TCF20: variants seen among roughly 807,000 people sequenced by gnomAD.
TCF20 encodes the protein SPRE-binding protein.
TCF20 carries 3 observed loss-of-function variants against 148.6 expected under a neutral mutation model. The ratio of observed to expected loss-of-function variants is 0.02; its 90% confidence interval spans 0.01 to 0.05. TCF20 has a LOEUF of 0.05. Ranked by LOEUF, TCF20 falls within the 10% of genes least tolerant of loss-of-function variation. The pLI is 1.00. For missense variants in TCF20, 2,350 were observed against 2,429.3 expected, an observed-to-expected ratio of 0.97 and a Z score of 0.69; for synonymous variants, 1,049 against 909.5, an observed-to-expected ratio of 1.15 and a Z score of -2.76.
In TCF20 at chr22:42,297,014, T is replaced by C. The variant is rs1462790642; in HGVS notation, c.-37+46465A>G. On this transcript the variant is annotated intron_variant, in intron 1 of 1. Transcript: ENST00000515426. This position sits in a 1 kb window ranked among gnomAD's most constrained non-coding sequence, Gnocchi z 4.3. ...GCTATAGTTAAACCCACTCTACAGA[T>C]GTGGCAACTGAGTTCAGAGAGGTGC... Among the ~76,000 whole-genome samples the C allele has an allele frequency of 6.6e-6, 1 of 152,200 alleles. No individual in the cohort carries two copies. Among genetic ancestry groups the C allele is most frequent in the African/African-American group, 2.4e-5 (1 of 41,438 alleles).
At chr22:42,180,719 C>T (rs1048590021) in intron 2 of TCF20, among the ~76,000 whole-genome samples, 8 of 152,248 alleles carry the variant, frequency 5.3e-5, no homozygotes, top group Non-Finnish European at 1.2e-4. Flanking sequence ...GCGCTCGCCA[C>T]GCTCAGACTG....
At chr22:42,186,140 T>C (rs1037271866) in intron 2 of TCF20, among the ~76,000 whole-genome samples, 7 of 152,364 alleles carry the variant, frequency 4.6e-5, no homozygotes, top group Middle Eastern at 3.4e-3. Flanking sequence ...GCTAATTGTG[T>C]GTACTTAAGA....
chr22:42,268,082 G>A (rs902095459), intron 1 of TCF20, among the ~76,000 whole-genome samples: 2 of 152,158 alleles, frequency 1.3e-5, no homozygotes, highest in African/African-American at 2.4e-5. Context: ...GGAGGTAGAG[G>A]CTGCAGTGAG....
chr22:42,308,828 G>A (rs4822107), intron 1 of TCF20, among the ~76,000 whole-genome samples: 91,596 of 152,018 alleles, frequency 0.6, 29,295 homozygotes, highest in African/African-American at 0.82. Flanking sequence ...GCTCCCTGTC[G>A]CTGGCCAGGT....
chr22:42,222,927 CAGACTGTTTGAGCTCAGG>C (rs1490844582), intron 1 of TCF20, among the ~76,000 whole-genome samples: 5 of 152,134 alleles, frequency 3.3e-5, no homozygotes. Flanking sequence ...CCGAGGCAGG[CAGACTGTTTGAGCTCAGG>C]AGACCAGCAT....
In TCF20 at chr22:42,243,292, C is replaced by CAAAAAAAAAAAAAAAAAA. The variant is rs3045578; in HGVS notation, c.-37+27029_-37+27046dup. On this transcript the variant is annotated intron_variant, in intron 1 of 5. Transcript: ENST00000677622. ...TGGCTGGCAGAGCAAGACACTGTCTCAAAAAAAAAAAAAAAAAAAAAAAAA... is the reference window on the plus strand; with the variant it reads ...TGGCTGGCAGAGCAAGACACTGTCTCAAAAAAAAAAAAAAAAAAAAAAAAAAAAAAAAAAAAAAAAAAA... Among the ~76,000 whole-genome samples, 20 of 39,502 alleles carry CAAAAAAAAAAAAAAAAAA rather than the reference C, an allele frequency of 5.1e-4. 3 individuals are homozygous for CAAAAAAAAAAAAAAAAAA. Among genetic ancestry groups the CAAAAAAAAAAAAAAAAAA allele is most frequent in the East Asian group, 1.5e-3 (1 of 678 alleles). 25.9% of individuals were successfully genotyped at this position (39,502 alleles called of 152,430 possible).
At chr22:42,319,571 G>A (rs1485968511) in intron 1 of TCF20, among the ~76,000 whole-genome samples, 1 of 152,202 alleles carries the variant, frequency 6.6e-6, no homozygotes, top group Non-Finnish European at 1.5e-5. Context: ...TGAGCCCACA[G>A]AATCAAATGA....
chr22:42,234,915 C>T (rs1002994854), intron 1 of TCF20, among the ~76,000 whole-genome samples: 1 of 151,888 alleles, frequency 6.6e-6, no homozygotes, highest in African/African-American at 2.4e-5. Context: ...GCAGGGCAGG[C>T]GGATCACGAG....
At chr22:42,191,415 A>C (rs1285217174) in intron 2 of TCF20, among the ~76,000 whole-genome samples, 1 of 152,042 alleles carries the variant, frequency 6.6e-6, no homozygotes, top group East Asian at 1.9e-4. Flanking sequence ...TTAGCCTCTA[A>C]AGTAGCTGGA....
chr22:42,248,101 A>G (rs139315193), intron 1 of TCF20, among the ~76,000 whole-genome samples: 14 of 152,304 alleles, frequency 9.2e-5, no homozygotes, highest in African/African-American at 3.1e-4. Context: ...TTTGTGAAGG[A>G]AACAGATACA....
At chr22:42,274,213 CAG>C (rs1281754800), upstream of TCF20, 2 of 152,736 alleles carry the variant, frequency 1.3e-5, no homozygotes, top group Admixed American at 6.5e-5. Context: ...CTCTGGCTAA[CAG>C]AGCGGGAAAC....
chr22:42,201,824 T>C (rs1421512933), intron 2 of TCF20, among the ~76,000 whole-genome samples: 1 of 152,080 alleles, frequency 6.6e-6, no homozygotes, highest in Non-Finnish European at 1.5e-5. Flanking sequence ...GCAGATTCTT[T>C]TCTTTCGCTT....
At chr22:42,245,386 C>T (rs1924820866) in intron 1 of TCF20, among the ~76,000 whole-genome samples, 1 of 152,148 alleles carries the variant, frequency 6.6e-6, no homozygotes, top group African/African-American at 2.4e-5. Context: ...TTACTCCTGT[C>T]TCATTCCCAT....
At chr22:42,207,851 T>C (rs373074350) in intron 2 of TCF20, among the ~76,000 whole-genome samples, 1 of 150,938 alleles carries the variant, frequency 6.6e-6, no homozygotes, top group South Asian at 2.1e-4. Context: ...CTGAAGAACC[T>C]CTAACAAGAA....
At chr22:42,235,099 G>A (rs1923761974) in intron 1 of TCF20, among the ~76,000 whole-genome samples, 1 of 146,480 alleles carries the variant, frequency 6.8e-6, no homozygotes, top group Admixed American at 7.0e-5. Context: ...CCGAGATCGT[G>A]CCACTGCACT....
rs966734092 is a variant in TCF20 at position 42,210,676 on chromosome 22, T to C, written c.4630A>G (p.Ile1544Val). The C allele has an allele frequency of 1.2e-6, 2 of 1,614,098 alleles. No individual in the cohort carries two copies. The highest frequency in any genetic ancestry group is 2.7e-5 in the African/African-American group (2 of 74,934). Residue 1544 changes from isoleucine to valine, a missense_variant, in exon 2 of 6, where the codon ATT (isoleucine) becomes GTT (valine). By Grantham distance (29) the Ile-to-Val change is conservative (BLOSUM62 3). Coordinates refer to ENST00000677622, the MANE Select transcript of TCF20 (RefSeq NM_001378418.1). This position sits in a 1 kb window ranked among gnomAD's most constrained non-coding sequence, Gnocchi z 4.7. The part of the protein sequence containing the change: ...FPSGKKKGRP[I>V]GSVNKQKKQQ... ...TTCTTTTGCTTATTCACACTACCAA[T>C]GGGTCTCCCCTTCTTCTTTCCTGAT...
intron 5 of TCF20, among the ~76,000 whole-genome samples, chr22:42,163,461 T>C (rs1241445075): frequency 6.6e-6 from 1 of 152,210 alleles, no homozygotes; most frequent in African/African-American, 2.4e-5. Flanking sequence ...GTTCCTTCAG[T>C]AGGGAAATTA....
intron 1 of TCF20, among the ~76,000 whole-genome samples, chr22:42,321,723 G>A (rs915865641): frequency 6.6e-6 from 1 of 151,816 alleles, no homozygotes; most frequent in African/African-American, 2.4e-5. Flanking sequence ...GAGGTGGGCC[G>A]ATCACCTGAG....
chr22:42,173,860 C>T (rs1457204204), intron 3 of TCF20, among the ~76,000 whole-genome samples: 3 of 152,154 alleles, frequency 2.0e-5, no homozygotes, highest in Admixed American at 6.5e-5. Context: ...GGCCGACAGC[C>T]CTACCCTCAC....
Sources: gnomAD v4.1 joint callset for allele counts (sites outside exome capture counted in the v4.1 genomes callset) on GRCh38, gnomAD v4.1.1 for gene constraint, Gnocchi (gnomAD v3.1) non-coding constraint, MANE v1.5 for transcripts, NCBI Gene and HGNC (gene_info 2026-07-23, HGNC 2026-07-21) for gene names.